FEZ1: variants seen among roughly 807,000 people sequenced by gnomAD.
FEZ1 encodes the protein fasciculation and elongation protein zeta-1.
FEZ1 carries 20 observed loss-of-function variants against 49.3 expected under a neutral mutation model. The ratio of observed to expected loss-of-function variants is 0.41; its 90% CI spans 0.29 to 0.59. FEZ1 has a LOEUF of 0.59. Among genes scored for constraint, FEZ1 ranks in the 20% least tolerant of loss-of-function variants. The pLI is 0.36. For synonymous variants in FEZ1, 170 were observed against 180.9 expected (o/e 0.94, Z 0.48); for missense variants, 413 against 476.0 (o/e 0.87, Z 1.23).
chr11:125,445,457 C>T lies in FEZ1; in HGVS notation c.*638G>A, dbSNP rs1021144894. On this transcript the variant is annotated 3_prime_UTR_variant, in exon 10 of 10. Transcript: ENST00000278919. The surrounding 1 kb of genome is among the most constrained non-coding windows in gnomAD (Gnocchi z 4.4). ...TATCTGCTAATTGCACACTCTCACC[C>T]CCGTCTCACCCACTCTGACCAGCTC... 6.6e-6 allele frequency among the ~76,000 whole-genome samples: 1 copy of T among 152,216 alleles called. No homozygotes were observed. Among genetic ancestry groups the T allele is most frequent in the Non-Finnish European group, 1.5e-5 (1 of 68,036 alleles).
chr11:125,484,000 AT>A (rs1957306371), intron 2 of FEZ1, among the ~76,000 whole-genome samples: 1 of 152,300 alleles, frequency 6.6e-6, no homozygotes, highest in African/African-American at 2.4e-5. Flanking sequence ...ATTTCAAGCC[AT>A]CCTCATTCTC....
At chr11:125,491,355 A>AGGACACAG (rs1405010540) in intron 1 of FEZ1, among the ~76,000 whole-genome samples, 1 of 152,162 alleles carries the variant, frequency 6.6e-6, no homozygotes, top group Non-Finnish European at 1.5e-5. Context: ...AAATTCCTCG[A>AGGACACAG]GGACACAGAA....
intron 3 of FEZ1, among the ~76,000 whole-genome samples, chr11:125,480,814 C>T (rs573396164): frequency 1.3e-5 from 2 of 152,158 alleles, no homozygotes; most frequent in African/African-American, 2.4e-5. Flanking sequence ...CCAAGGCGGG[C>T]GGATCACGGG....
chr11:125,471,686 T>G (rs572257186), intron 3 of FEZ1, among the ~76,000 whole-genome samples: 1 of 152,108 alleles, frequency 6.6e-6, no homozygotes, highest in African/African-American at 2.4e-5. Context: ...TTAATAAACC[T>G]TTCTCATTAA....
rs59460591 is a variant in FEZ1, at chr11:125,488,641, T to C, written c.311+826A>G. On this transcript the variant is annotated intron_variant, in intron 2 of 9. Transcript: ENST00000278919. The stretch of plus-strand genomic sequence containing the variant: ...GTTGCAGTGAGCCAAAATTGTGCCA[T>C]TGCACTCCAGCCTGGGCGATAGAAT... 1.8e-3 allele frequency: 1,556 copies of C among 869,324 alleles called. 23 individuals carry two copies. In the East Asian group the frequency reaches 0.067, roughly 38 times the overall value. 53.9% of individuals were successfully genotyped at this position (869,324 alleles called of 1,614,324 possible).
intron 6 of FEZ1, 179 bp downstream of exon 6, chr11:125,455,656 G>A (rs554174974): frequency 2.9e-6 from 2 of 695,630 alleles, no homozygotes; most frequent in Admixed American, 2.1e-5. Flanking sequence ...GAGCCCTTTG[G>A]GGGAGTGGAG....
rs1555178514 is a variant in FEZ1, at chr11:125,457,464, A to ATATGTG, written c.668-1359_668-1358insCACATA. ...TATATATATATATGTATATATACAC[A>ATATGTG]TATATATGTATATATACACATATAT... is the stretch of plus-strand genomic sequence containing the variant. On this transcript the variant is annotated intron_variant, in intron 5 of 9. Transcript: ENST00000278919. Among the ~76,000 whole-genome samples the ATATGTG allele has an allele frequency of 1.0e-4, 6 of 60,114 alleles. 1 individual carries two copies. The East Asian group carries it at 3.2e-3, about 32-fold the overall frequency. The allele number at this position is 60,114 out of a possible 152,430, so 39.4% of individuals were successfully genotyped here.
rs1214785826 is a variant in FEZ1, at chr11:125,454,219, G to T, written c.940-9C>A. 6.2e-7 allele frequency: 1 copy of T among 1,610,728 alleles called. No homozygotes were observed. Among genetic ancestry groups the T allele is most frequent in the East Asian group, 2.2e-5 (1 of 44,820 alleles). On this transcript the variant is annotated splice_polypyrimidine_tract_variant and intron_variant, in intron 6 of 9. Coordinates refer to ENST00000278919, the MANE Select transcript of FEZ1 (RefSeq NM_005103.5). Reference sequence around the variant, plus strand: ...CCTTCCATGCTGAAGCGCTGTGGGGGAGAGAGACTCAAGAAGGGCAAATGC... The same window carrying T: ...CCTTCCATGCTGAAGCGCTGTGGGGTAGAGAGACTCAAGAAGGGCAAATGC...
At chr11:125,493,409 A>G (rs10893386) in intron 1 of FEZ1, among the ~76,000 whole-genome samples, 188 of 68,292 alleles carry the variant, frequency 2.8e-3, no homozygotes, top group Admixed American at 3.5e-3. Context: ...AAAGAAAGAA[A>G]GAAAGAAAGA....
At chr11:125,472,800 T>G (rs1957194897) in intron 3 of FEZ1, among the ~76,000 whole-genome samples, 1 of 152,116 alleles carries the variant, frequency 6.6e-6, no homozygotes, top group African/African-American at 2.4e-5. Flanking sequence ...TCCCACATTA[T>G]ATAAAAAAGA....
chr11:125,456,840 T>A (rs1043076715), intron 5 of FEZ1, among the ~76,000 whole-genome samples: 2 of 152,224 alleles, frequency 1.3e-5, no homozygotes, highest in Non-Finnish European at 2.9e-5. Context: ...TTATATATTT[T>A]CATAGTTGAG....
chr11:125,446,195 A>T, intron 9 of FEZ1, 84 bp from the exon 10 acceptor site: 1 of 1,312,620 alleles, frequency 7.6e-7, no homozygotes, highest in East Asian at 2.3e-5. Flanking sequence ...CCTAGCTGAG[A>T]GCAGTCACAC....
intron 5 of FEZ1, chr11:125,456,408 A>G (rs191694753): frequency 2.6e-5 from 9 of 344,586 alleles, no homozygotes; most frequent in African/African-American, 4.2e-5. Flanking sequence ...TCTATTTTCT[A>G]TCTGTGTCCA....
chr11:125,452,505 G>A (rs147040802), intron 7 of FEZ1, 96 bp from the exon 8 acceptor site: 1 of 747,976 alleles, frequency 1.3e-6, no homozygotes, highest in African/African-American at 1.7e-5. Context: ...CTGCAAATCT[G>A]ACCTTCTCTG....
At chr11:125,461,805 G>A (rs1041782304) in intron 4 of FEZ1, among the ~76,000 whole-genome samples, 1 of 152,196 alleles carries the variant, frequency 6.6e-6, no homozygotes, top group African/African-American at 2.4e-5. Context: ...CTGGACCAAA[G>A]GTAAGGGGTT....
chr11:125,480,232 C>A (rs12279676), intron 3 of FEZ1, among the ~76,000 whole-genome samples: 2,911 of 152,092 alleles, frequency 0.019, 76 homozygotes, highest in African/African-American at 0.057. Flanking sequence ...AAAAATTAGC[C>A]GGGCATGGTG....
chr11:125,452,895 A>T (rs1277716017), intron 7 of FEZ1: 1 of 153,334 alleles, frequency 6.5e-6, no homozygotes, highest in Non-Finnish European at 1.5e-5. Flanking sequence ...TGGGCTGTCA[A>T]AGGAGTCTCA....
intron 1 of FEZ1, among the ~76,000 whole-genome samples, chr11:125,493,508 G>GAA (rs1565307364): frequency 0.014 from 947 of 65,996 alleles, 139 homozygotes; most frequent in East Asian, 0.03. Context: ...GAAAGAAAGA[G>GAA]AGAAAGAAAG....
At chr11:125,481,882 C>A in intron 2 of FEZ1, 1 of 510,172 alleles carries the variant, frequency 2.0e-6, no homozygotes, top group South Asian at 3.0e-5. Context: ...GAATTTCCTA[C>A]CATTGAGATA....
Sources: allele counts gnomAD v4.1 joint callset (sites outside exome capture counted in the v4.1 genomes callset), GRCh38; gene constraint gnomAD v4.1.1; non-coding constraint Gnocchi (gnomAD v3.1); transcripts MANE v1.5; gene names NCBI Gene and HGNC (gene_info 2026-07-23, HGNC 2026-07-21).